Variants in GALNT17 observed in about 807,000 individuals in gnomAD.
GALNT17 encodes the protein UDP-GalNAc:polypeptide N-acetylgalactosaminyltransferase-like 3.
Under a neutral mutation model 63.7 loss-of-function variants are expected in GALNT17, and 29 were observed. That is an observed-to-expected ratio of 0.46 (90% confidence interval 0.34 to 0.62). GALNT17 has a LOEUF of 0.62. Ranked by LOEUF, GALNT17 falls within the 20% of genes least tolerant of loss-of-function variation. The pLI, the probability that GALNT17 is intolerant of heterozygous loss-of-function variation, is 0.01. For missense variants in GALNT17, 603 were observed against 799.6 expected, an observed-to-expected ratio of 0.75 and a Z score of 2.97; for synonymous variants, 305 against 318.3, an observed-to-expected ratio of 0.96 and a Z score of 0.45.
chr7:71,653,700 C>G (rs991254592), intron 6 of GALNT17, among the ~76,000 whole-genome samples: 4 of 152,212 alleles, frequency 2.6e-5, no homozygotes, highest in African/African-American at 9.7e-5. Context: ...AGCCACCACG[C>G]CCAGCCAAAA....
intron 1 of GALNT17, among the ~76,000 whole-genome samples, chr7:71,175,430 TTATC>T (rs1354340855): frequency 4.6e-5 from 7 of 152,360 alleles, no homozygotes; most frequent in Middle Eastern, 3.4e-3. Context: ...TCTATCTATC[TTATC>T]TATCTATCAT....
intron 5 of GALNT17, among the ~76,000 whole-genome samples, chr7:71,540,239 C>T (rs2116803829): frequency 6.6e-6 from 1 of 150,632 alleles, no homozygotes; most frequent in Non-Finnish European, 1.5e-5. Context: ...ATCTCAGCCT[C>T]CTGAGTAGCT....
chr7:71,383,887 T>G lies in GALNT17; in HGVS notation c.423-4348T>G, dbSNP rs561082235. On this transcript the variant is annotated intron_variant, in intron 2 of 10. Transcript: ENST00000333538. ...ATGAACACCTGGATTGCTTCCAACA[T>G]TTAGCTGCGAATAATGCTCTATGAA... Among the ~76,000 whole-genome samples, 4 of 152,314 alleles carry G rather than the reference T, an allele frequency of 2.6e-5. No individual in the cohort carries two copies. The South Asian group carries it at 8.3e-4, about 32-fold the overall frequency.
rs372551887 is a variant in GALNT17, at chr7:71,541,502, G to A, written c.963-29783G>A. Among the ~76,000 whole-genome samples the A allele has an allele frequency of 4.6e-5, 7 of 152,056 alleles. No individual in the cohort carries two copies. The East Asian group carries it at 5.8e-4, about 13-fold the overall frequency. ...CAGGAGGCGGAGGTTGCAGTGAGCC[G>A]AGATCTCGCCACTGTATTCCGGCCT... On this transcript the variant is annotated intron_variant, in intron 5 of 10. Transcript: ENST00000333538.
intron 5 of GALNT17, among the ~76,000 whole-genome samples, chr7:71,505,607 G>T (rs1366935006): frequency 6.6e-6 from 1 of 152,076 alleles, no homozygotes; most frequent in African/African-American, 2.4e-5. Context: ...CTCAGAAAAA[G>T]AAGTCAGCTC....
At chr7:71,655,282 C>G (rs1790813565) in intron 6 of GALNT17, among the ~76,000 whole-genome samples, 1 of 151,886 alleles carries the variant, frequency 6.6e-6, no homozygotes, top group African/African-American at 2.4e-5. Context: ...GAAAAAGATT[C>G]AAAAAACTTT....
At chr7:71,235,696 C>A (rs1327504286) in intron 1 of GALNT17, among the ~76,000 whole-genome samples, 1 of 152,186 alleles carries the variant, frequency 6.6e-6, no homozygotes, top group East Asian at 1.9e-4. Flanking sequence ...GGTCTTGCAC[C>A]AAACGAAAGC....
intron 1 of GALNT17, among the ~76,000 whole-genome samples, chr7:71,235,401 C>G (rs1369859428): frequency 1.3e-5 from 2 of 152,112 alleles, no homozygotes; most frequent in African/African-American, 4.8e-5. Flanking sequence ...TTTCATTTTG[C>G]TGTTTTTGTT....
chr7:71,628,812 A>G (rs1204611836), intron 6 of GALNT17, among the ~76,000 whole-genome samples: 1 of 151,946 alleles, frequency 6.6e-6, no homozygotes, highest in Non-Finnish European at 1.5e-5. Context: ...AACGCCTGTA[A>G]TCCCAGCTAC....
rs1788229069 is a variant in GALNT17, at chr7:71,504,248, C to A, written c.963-67037C>A. On this transcript the variant is annotated intron_variant, in intron 5 of 10. Transcript: ENST00000333538. ...TCTCAAAAAAAAAAAAAAAAATTAGCTGGGCTTGGTGGCAGACGTCTGTAA... is the reference window on the plus strand; with the variant it reads ...TCTCAAAAAAAAAAAAAAAAATTAGATGGGCTTGGTGGCAGACGTCTGTAA... Among the ~76,000 whole-genome samples, 3 of 150,050 alleles carry A rather than the reference C, an allele frequency of 2.0e-5. No individual in the cohort carries two copies. The South Asian group carries it at 6.3e-4, about 32-fold the overall frequency.
At chr7:71,515,288 C>A (rs1409725305) in intron 5 of GALNT17, among the ~76,000 whole-genome samples, 3 of 152,118 alleles carry the variant, frequency 2.0e-5, no homozygotes, top group Non-Finnish European at 4.4e-5. Flanking sequence ...TACACATCTC[C>A]CTCAACCCTG....
intron 6 of GALNT17, among the ~76,000 whole-genome samples, chr7:71,662,846 G>A (rs1562726954): frequency 6.6e-6 from 1 of 152,102 alleles, no homozygotes; most frequent in African/African-American, 2.4e-5. Context: ...TATAGTTTTA[G>A]CTCTTATGTT....
intron 6 of GALNT17, among the ~76,000 whole-genome samples, chr7:71,586,897 A>T (rs769743162): frequency 6.6e-6 from 1 of 152,190 alleles, no homozygotes; most frequent in Non-Finnish European, 1.5e-5. Flanking sequence ...TTTGAAATAT[A>T]TAAAAGGTAA....
chr7:71,202,118 T>G (rs2116369695), intron 1 of GALNT17, among the ~76,000 whole-genome samples: 1 of 152,350 alleles, frequency 6.6e-6, no homozygotes, highest in East Asian at 1.9e-4. Flanking sequence ...ATAGTATTTT[T>G]TTCTCTCGTT....
At chr7:71,384,773 A>G (rs566402459) in intron 2 of GALNT17, among the ~76,000 whole-genome samples, 2 of 152,266 alleles carry the variant, frequency 1.3e-5, no homozygotes, top group African/African-American at 4.8e-5. Flanking sequence ...AGGTCAAGGA[A>G]GAGTGCCTCT....
intron 6 of GALNT17, among the ~76,000 whole-genome samples, chr7:71,658,444 T>A (rs981753993): frequency 3.3e-5 from 5 of 152,154 alleles, no homozygotes; most frequent in African/African-American, 7.2e-5. Context: ...TTTTGCCTCA[T>A]CCCTTCCATA....
In GALNT17 at chr7:71,601,987, G is replaced by T. The variant is rs928064782; in HGVS notation, c.1080+30585G>T. 1.8e-4 allele frequency among the ~76,000 whole-genome samples: 28 copies of T among 152,174 alleles called. 1 individual carries two copies. Among genetic ancestry groups the T allele is most frequent in the Admixed American group, 1.2e-3 (18 of 15,272 alleles). ...CTGCACAGTGAGATGGGAACAGACT[G>T]GGCTGAGCAGCTGCAGATGGAGTCT... is the stretch of plus-strand genomic sequence containing the variant. On this transcript the variant is annotated intron_variant, in intron 6 of 10. Transcript: ENST00000333538.
chr7:71,429,021 C>A (rs1203666960), intron 5 of GALNT17, among the ~76,000 whole-genome samples: 2 of 152,188 alleles, frequency 1.3e-5, no homozygotes, highest in Non-Finnish European at 2.9e-5. Context: ...CTCCTGACAC[C>A]TTCTTTTCCT....
At chr7:71,146,709 T>C (rs1788030752) in intron 1 of GALNT17, among the ~76,000 whole-genome samples, 1 of 152,152 alleles carries the variant, frequency 6.6e-6, no homozygotes, top group Non-Finnish European at 1.5e-5. Context: ...CACCGGTCTT[T>C]AGACTGCTCT....
Sources: allele counts gnomAD v4.1 joint callset (sites outside exome capture counted in the v4.1 genomes callset), GRCh38; gene constraint gnomAD v4.1.1; transcripts MANE v1.5; gene names NCBI Gene and HGNC (gene_info 2026-07-23, HGNC 2026-07-21).